LVRN: variants seen among roughly 807,000 people sequenced by gnomAD.
LVRN encodes the protein laeverin, also known as aminopeptidase Q.
Under a neutral mutation model 111.4 loss-of-function variants are expected in LVRN, and 99 were observed. The ratio of observed to expected loss-of-function variants is 0.89; its 90% confidence interval spans 0.76 to 1.05. The LOEUF (loss-of-function observed/expected upper bound fraction) is 1.05. Ranked by LOEUF, LVRN falls within the 50% of genes least tolerant of loss-of-function variation. LVRN has a pLI of 0.00. For missense variants in LVRN, 1,414 were observed against 1,206.8 expected, an observed-to-expected ratio of 1.17 and a Z score of -2.54; for synonymous variants, 488 against 449.5, an observed-to-expected ratio of 1.09 and a Z score of -1.08.
At position 116,012,448 on chromosome 5, in the gene LVRN, A is replaced by G; in HGVS notation, c.2322A>G (p.Leu774=). The change falls in exon 15 of 20, where the codon TTA becomes TTG. Residue 774 remains leucine, a synonymous_variant. Coordinates refer to ENST00000357872, the MANE Select transcript of LVRN (RefSeq NM_173800.5). ...STIIRENVLA[L]QDDYLALISL... is the part of the protein sequence containing the mutation. Reference sequence around the variant, plus strand: ...TAATTCGTGAAAATGTGTTGGCATTACAAGATGACTACTTAGCTCTGTAAG... The same window carrying G: ...TAATTCGTGAAAATGTGTTGGCATTGCAAGATGACTACTTAGCTCTGTAAG... The G allele has an allele frequency of 6.5e-7, 1 of 1,546,784 alleles. No homozygotes were observed. Among genetic ancestry groups the G allele is most frequent in the Non-Finnish European group, 8.9e-7 (1 of 1,126,572 alleles).
chr5:116,010,034 T>C (rs547426657), intron 13 of LVRN, among the ~76,000 whole-genome samples: 1 of 152,332 alleles, frequency 6.6e-6, no homozygotes, highest in East Asian at 1.9e-4. Context: ...GCAAACTTTA[T>C]TGTTGCTTAT....
At chr5:115,966,785 A>T (rs900988657) in intron 1 of LVRN, among the ~76,000 whole-genome samples, 2 of 152,188 alleles carry the variant, frequency 1.3e-5, no homozygotes, top group Non-Finnish European at 2.9e-5. Flanking sequence ...TGAGTGATAG[A>T]TGTTCTCTGT....
intron 1 of LVRN, among the ~76,000 whole-genome samples, chr5:115,966,245 C>T (rs564561375): frequency 7.2e-5 from 11 of 152,208 alleles, no homozygotes; most frequent in Non-Finnish European, 5.9e-5. Flanking sequence ...TCTCTAACCC[C>T]TGACAACCAC....
rs182085898 is a variant in LVRN at position 115,997,725 on chromosome 5, A to C, written c.1375-2037A>C. ...CATATTGCAGCTTGTGGGACAAAGT[A>C]ATGGTGAATATACAGATTCATATTA... On this transcript the variant is annotated intron_variant, in intron 6 of 19. Transcript: ENST00000357872. Among the ~76,000 whole-genome samples the C allele has an allele frequency of 4.6e-3, 693 of 152,278 alleles. 1 individual carries two copies. The highest frequency in any genetic ancestry group is 6.6e-3 in the Non-Finnish European group (448 of 68,028).
In LVRN at chr5:115,984,627, C is replaced by G. The variant is rs776930188; in HGVS notation, c.896C>G (p.Thr299Ser). ...GSKWTVTTFSTTPHMPTYLVA... is the reference protein window; with the variant it reads ...GSKWTVTTFSSTPHMPTYLVA... ...AAATGGACTGTTACAACCTTTTCCACTACGCCCCACATGCCAACTTACTTA... is the reference window on the plus strand; with the variant it reads ...AAATGGACTGTTACAACCTTTTCCAGTACGCCCCACATGCCAACTTACTTA... The change falls in exon 3 of 20, where the codon ACT (threonine) becomes AGT (serine). Residue 299 changes from threonine to serine, a missense_variant. By Grantham distance (58) the Thr-to-Ser change is moderately conservative (BLOSUM62 1). Transcript: ENST00000357872. 1 of 1,613,702 alleles carries G rather than the reference C, an allele frequency of 6.2e-7. No homozygotes were observed. The highest frequency in any genetic ancestry group is 8.5e-7 in the Non-Finnish European group (1 of 1,179,764).
intron 6 of LVRN, 89 bp from the exon 7 acceptor site, chr5:115,999,673 A>G (rs927387547): frequency 1.4e-6 from 2 of 1,390,698 alleles, no homozygotes; most frequent in Non-Finnish European, 2.0e-6. Context: ...CCTCTTCAAT[A>G]TCAGTTTTTG....
intron 4 of LVRN, 73 bp downstream of exon 4, chr5:115,988,012 A>C: frequency 6.5e-7 from 1 of 1,536,358 alleles, no homozygotes. Context: ...CTCAAGATAC[A>C]CAGACAAACC....
Position 115,984,638 on chromosome 5 carries a change from A to G in LVRN, c.907A>G (p.Met303Val). 1.2e-6 allele frequency: 2 copies of G among 1,613,618 alleles called. No individual in the cohort carries two copies. Among genetic ancestry groups the G allele is most frequent in the East Asian group, 2.2e-5 (1 of 44,882 alleles). ...TVTTFSTTPH[M>V]PTYLVAFVIC... ...TACAACCTTTTCCACTACGCCCCAC[A>G]TGCCAACTTACTTAGTCGCATTTGT... is the stretch of plus-strand genomic sequence containing the variant. The change falls in exon 3 of 20, where the codon ATG (methionine) becomes GTG (valine). Residue 303 changes from methionine (M) to valine (V), a missense_variant. Physicochemically the swap from Met to Val is conservative, Grantham distance 21. Transcript: ENST00000357872.
chr5:115,996,295 C>T (rs1442969092), intron 6 of LVRN, among the ~76,000 whole-genome samples: 1 of 152,206 alleles, frequency 6.6e-6, no homozygotes, highest in Non-Finnish European at 1.5e-5. Context: ...TCTTGCAAAA[C>T]TTGCCAAAAA....
In LVRN at chr5:116,012,279, C is replaced by T; in HGVS notation, c.2248-95C>T. 11 of 683,620 alleles carry T rather than the reference C, an allele frequency of 1.6e-5. No homozygotes were observed. The South Asian group carries it at 1.9e-4, about 12-fold the overall frequency. 42.3% of individuals were successfully genotyped at this position (683,620 alleles called of 1,614,324 possible). A position where few individuals can be genotyped will look rare whatever the true frequency, so the allele number is the denominator to read the frequency against. On this transcript the variant is annotated intron_variant, in intron 14 of 19. Coordinates refer to ENST00000357872, the MANE Select transcript of LVRN (RefSeq NM_173800.5). The stretch of plus-strand genomic sequence containing the variant: ...TTCTGAAGAAATATCTGCCACTTGT[C>T]TATCAATGTCTTTTCAGATAAATAA...
rs373156515 is a variant in LVRN, at chr5:116,000,530, G to T, written c.1581+32G>T. The T allele has an allele frequency of 5.6e-6, 9 of 1,612,664 alleles. No homozygotes were observed. The African/African-American group carries it at 1.2e-4, about 22-fold the overall frequency. ...TTGCAAAATAGTCGTTACCTGGATG[G>T]CAGTAAACATAAATTCCATTGGCAT... On this transcript the variant is annotated intron_variant, in intron 8 of 19. Transcript: ENST00000357872.
chr5:115,992,655 T>C (rs1275996397), intron 5 of LVRN, among the ~76,000 whole-genome samples: 1 of 152,188 alleles, frequency 6.6e-6, no homozygotes, highest in Admixed American at 6.5e-5. Context: ...CATCAGCAGA[T>C]TGTTATAAAT....
At chr5:116,005,818 A>G (rs760892765) in intron 12 of LVRN, 94 bp from the exon 13 acceptor site, 92 of 996,218 alleles carry the variant, frequency 9.2e-5, no homozygotes, top group Non-Finnish European at 1.2e-4. Context: ...GGTGCTTTAT[A>G]GGCAGCAGTA....
chr5:115,982,608 C>A (rs888755235), intron 1 of LVRN, among the ~76,000 whole-genome samples: 12 of 152,186 alleles, frequency 7.9e-5, no homozygotes, highest in African/African-American at 2.6e-4. Flanking sequence ...AACCTGACGT[C>A]TTCTCGTCTG....
chr5:116,014,450 G>C lies in LVRN; in HGVS notation c.2373G>C (p.Ala791=). 6.2e-7 allele frequency: 1 copy of C among 1,612,908 alleles called. No individual in the cohort carries two copies. The highest frequency in any genetic ancestry group is 8.5e-7 in the Non-Finnish European group (1 of 1,179,398). The stretch of plus-strand genomic sequence containing the variant: ...CACTGGAAAAACTTTTTGTAACTGC[G>C]TGTTGGTTGGGCCTTGAAGACTGCC... ...LISLEKLFVT[A]CWLGLEDCLQ... is the part of the protein sequence containing the mutation. The change falls in exon 16 of 20, where the codon GCG becomes GCC. Residue 791 remains alanine, a synonymous_variant. Coordinates refer to ENST00000357872, the MANE Select transcript of LVRN (RefSeq NM_173800.5).
At chr5:116,012,911 G>A (rs1748521513) in intron 15 of LVRN, among the ~76,000 whole-genome samples, 1 of 152,194 alleles carries the variant, frequency 6.6e-6, no homozygotes, top group South Asian at 2.1e-4. Context: ...ATATAGATCA[G>A]TCACTGCTAT....
At chr5:116,001,531 T>C (rs1007086281) in intron 10 of LVRN, among the ~76,000 whole-genome samples, 5 of 152,132 alleles carry the variant, frequency 3.3e-5, no homozygotes, top group Admixed American at 3.3e-4. Flanking sequence ...ATGAATTACT[T>C]GGGATTCTGA....
chr5:115,983,260 TAA>T, intron 1 of LVRN, 25 bp from the exon 2 acceptor site: 2 of 1,511,806 alleles, frequency 1.3e-6, no homozygotes, highest in Non-Finnish European at 8.8e-7. Context: ...TAAAAATAAA[TAA>T]AAATTTCCCC....
chr5:115,990,422 G>A (rs545136964), intron 4 of LVRN, among the ~76,000 whole-genome samples: 12 of 152,242 alleles, frequency 7.9e-5, no homozygotes, highest in Non-Finnish European at 1.0e-4. Flanking sequence ...CATTGTTCAC[G>A]TTTGGCTTTT....
Sources: gnomAD v4.1 joint callset for allele counts (sites outside exome capture counted in the v4.1 genomes callset) on GRCh38, gnomAD v4.1.1 for gene constraint, MANE v1.5 for transcripts, NCBI Gene and HGNC (gene_info 2026-07-23, HGNC 2026-07-21) for gene names.